C1orf52: variants seen among roughly 807,000 people sequenced by gnomAD.
C1orf52 encodes chromosome 1 open reading frame 52, also known as UPF0690 protein C1orf52.
C1orf52 carries 5 observed loss-of-function variants against 17.2 expected under a neutral mutation model. That is an observed-to-expected ratio of 0.29 (90% CI 0.15 to 0.61). The LOEUF (loss-of-function observed/expected upper bound fraction) is 0.61. Ranked by LOEUF, C1orf52 falls within the 20% of genes least tolerant of loss-of-function variation. C1orf52 has a pLI of 0.85. For synonymous variants in C1orf52, 110 were observed against 88.0 expected (o/e 1.25, Z -1.40); for missense variants, 245 against 234.1 (o/e 1.05, Z -0.30).
Position 85,251,653 on chromosome 1 carries a change from A to ATATT in C1orf52, c.*972_*975dup, listed in dbSNP as rs956340184. 20 of 152,342 alleles carry ATATT rather than the reference A, an allele frequency of 1.3e-4. No individual in the cohort carries two copies. Among genetic ancestry groups the ATATT allele is most frequent in the African/African-American group, 4.8e-4 (20 of 41,578 alleles). 9.4% of individuals were successfully genotyped at this position (152,342 alleles called of 1,614,324 possible). ...AACACATTTTTTGTATATGTCCTGA[A>ATATT]TATTAAATATACTAAAACATTATTT... On this transcript the variant is annotated 3_prime_UTR_variant, in exon 3 of 3. Transcript: ENST00000471115.
chr1:85,257,372 C>T lies in C1orf52; in HGVS notation c.475+1152G>A, dbSNP rs1659968950. ...GGATTTTGAAGGATGAATTAGTTTACTAGCCAGAGATAAGAAAGAACACTA... is the reference window on the plus strand; with the variant it reads ...GGATTTTGAAGGATGAATTAGTTTATTAGCCAGAGATAAGAAAGAACACTA... On this transcript the variant is annotated intron_variant, in intron 2 of 2. Coordinates refer to ENST00000471115, the MANE Select transcript of C1orf52 (RefSeq NM_198077.4). 6.9e-5 allele frequency: 46 copies of T among 670,906 alleles called. 1 individual carries two copies. The South Asian group carries it at 7.6e-4, about 11-fold the overall frequency. The allele number at this position is 670,906 out of a possible 1,614,324, so 41.6% of individuals were successfully genotyped here.
chr1:85,252,356 ACT>A lies in C1orf52; in HGVS notation c.*271_*272del, dbSNP rs1659821247. On this transcript the variant is annotated 3_prime_UTR_variant, in exon 3 of 3. Transcript: ENST00000471115. ...CATTGGCATGTCAACATGTGACAAA[ACT>A]CTCAAAGCATGTCACCAATTCTGTG... The A allele has an allele frequency of 5.0e-6, 2 of 398,968 alleles. No homozygotes were observed. Among genetic ancestry groups the A allele is most frequent in the Admixed American group, 4.3e-5 (1 of 23,244 alleles). 24.7% of individuals were successfully genotyped at this position (398,968 alleles called of 1,614,324 possible).
chr1:85,255,308 T>A (rs909181076), intron 2 of C1orf52, among the ~76,000 whole-genome samples: 1 of 152,078 alleles, frequency 6.6e-6, no homozygotes, highest in South Asian at 2.1e-4. Context: ...TCCCAGCACT[T>A]TGGGAGGCTG....
intron 2 of C1orf52, among the ~76,000 whole-genome samples, chr1:85,256,830 A>C (rs1222813604): frequency 2.0e-5 from 3 of 151,948 alleles, no homozygotes; most frequent in Non-Finnish European, 4.4e-5. Context: ...AAAAGAAAAC[A>C]AAAAGATTGT....
chr1:85,252,238 T>C lies in C1orf52; in HGVS notation c.*391A>G, dbSNP rs1431079119. 1.0e-5 allele frequency: 2 copies of C among 190,982 alleles called. No individual in the cohort carries two copies. Among genetic ancestry groups the C allele is most frequent in the African/African-American group, 4.8e-5 (2 of 41,930 alleles). The allele number at this position is 190,982 out of a possible 1,614,324, so 11.8% of individuals were successfully genotyped here. ...TTATTTCCATGATCTATTTACACTG[T>C]ACAAAGACTGTTGAAAAGCACCCTA... On this transcript the variant is annotated 3_prime_UTR_variant, in exon 3 of 3. Coordinates refer to ENST00000471115, the MANE Select transcript of C1orf52 (RefSeq NM_198077.4).
At chr1:85,258,916 G>A in intron 1 of C1orf52, 194 bp from the exon 2 acceptor site, 1 of 1,423,526 alleles carries the variant, frequency 7.0e-7, no homozygotes, top group Non-Finnish European at 9.1e-7. Context: ...TATGAATAAA[G>A]CTAATAACTT....
Position 85,258,558 on chromosome 1 carries a change from C to T in C1orf52, c.441G>A (p.Arg147=), listed in dbSNP as rs772001073. Residue 147 remains arginine, a synonymous_variant, in exon 2 of 3, where the codon AGG becomes AGA. Transcript: ENST00000471115. ...ACGTCTCCTCCCCTTCTGGTAGAAGCCTAGCTTTCTTAGCATTCTGTGGAG... is the reference window on the plus strand; with the variant it reads ...ACGTCTCCTCCCCTTCTGGTAGAAGTCTAGCTTTCTTAGCATTCTGTGGAG... ...DDAPQNAKKA[R]LLPEGEETLE... is the part of the protein sequence containing the mutation. 6.2e-7 allele frequency: 1 copy of T among 1,614,202 alleles called. No individual in the cohort carries two copies. Among genetic ancestry groups the T allele is most frequent in the East Asian group, 2.2e-5 (1 of 44,890 alleles).
At chr1:85,253,976 A>G (rs549844193) in intron 2 of C1orf52, among the ~76,000 whole-genome samples, 1 of 152,234 alleles carries the variant, frequency 6.6e-6, no homozygotes, top group Non-Finnish European at 1.5e-5. Context: ...AAAGTTCAAC[A>G]GGTTATCATG....
At chr1:85,256,795 C>A in intron 2 of C1orf52, among the ~76,000 whole-genome samples, 1 of 14,752 alleles carries the variant, frequency 6.8e-5, no homozygotes, top group African/African-American at 3.3e-4. Context: ...CGAGACTCCG[C>A]CTCAAAAAAA....
At chr1:85,257,419 C>T in intron 2 of C1orf52, 1 of 715,672 alleles carries the variant, frequency 1.4e-6, no homozygotes, top group Middle Eastern at 2.3e-4. Flanking sequence ...GCAACGTATA[C>T]TGAAAGGCAG....
Position 85,257,233 on chromosome 1 carries a change from CTT to C in C1orf52, c.475+1289_475+1290del, listed in dbSNP as rs375429231. ...AGGAACTCATCATAAAGCAGACAGA[CTT>C]TTAAAAAAATCACATACAAGTGATG... is the stretch of plus-strand genomic sequence containing the variant. On this transcript the variant is annotated intron_variant, in intron 2 of 2. Transcript: ENST00000471115. Among the ~76,000 whole-genome samples the C allele has an allele frequency of 3.8e-3, 586 of 152,306 alleles. 5 individuals are homozygous for C. The highest frequency in any genetic ancestry group is 0.012 in the African/African-American group (514 of 41,548).
At position 85,257,490 on chromosome 1, in the gene C1orf52, A is replaced by G. The variant is rs1473793350; in HGVS notation, c.475+1034T>C. 4.2e-6 allele frequency: 3 copies of G among 717,204 alleles called. No homozygotes were observed. In the South Asian group the frequency reaches 4.4e-5, roughly 11 times the overall value. 44.4% of individuals were successfully genotyped at this position (717,204 alleles called of 1,614,324 possible). On this transcript the variant is annotated intron_variant, in intron 2 of 2. Coordinates refer to ENST00000471115, the MANE Select transcript of C1orf52 (RefSeq NM_198077.4). Reference sequence around the variant, plus strand: ...TCAAGTGCTAGAAAGGGGCCATTAAAAATGACTGTGGACAGGGAGAAAGGG... The same window carrying G: ...TCAAGTGCTAGAAAGGGGCCATTAAGAATGACTGTGGACAGGGAGAAAGGG...
At position 85,251,687 on chromosome 1, in the gene C1orf52, T is replaced by G. The variant is rs1659806527; in HGVS notation, c.*942A>C. ...ATACTAAAACATTATTTATCTGAAA[T>G]TCAAATTTAACTGAATGTCCTGTAA... is the stretch of plus-strand genomic sequence containing the variant. On this transcript the variant is annotated 3_prime_UTR_variant, in exon 3 of 3. Coordinates refer to ENST00000471115, the MANE Select transcript of C1orf52 (RefSeq NM_198077.4). The G allele has an allele frequency of 6.6e-6, 1 of 152,188 alleles. No individual in the cohort carries two copies. Among genetic ancestry groups the G allele is most frequent in the African/African-American group, 2.4e-5 (1 of 41,442 alleles). The allele number at this position is 152,188 out of a possible 1,614,324, so 9.4% of individuals were successfully genotyped here. A position where few individuals can be genotyped will look rare whatever the true frequency, so the allele number is the denominator to read the frequency against.
At chr1:85,258,905 A>T in intron 1 of C1orf52, 183 bp from the exon 2 acceptor site, 1 of 1,429,472 alleles carries the variant, frequency 7.0e-7, no homozygotes, top group South Asian at 1.5e-5. Context: ...AGGGTTCCCT[A>T]TATGAATAAA....
intron 2 of C1orf52, among the ~76,000 whole-genome samples, chr1:85,258,269 A>G (rs1476182174): frequency 2.0e-5 from 3 of 152,224 alleles, no homozygotes; most frequent in East Asian, 3.8e-4. Context: ...GATATCAGAT[A>G]TTTTACTTTA....
Position 85,258,514 on chromosome 1 carries a change from C to T in C1orf52, c.475+10G>A. 6.2e-7 allele frequency: 1 copy of T among 1,607,962 alleles called. No homozygotes were observed. Among genetic ancestry groups the T allele is most frequent in the East Asian group, 2.2e-5 (1 of 44,864 alleles). ...AAAATAGACCACCATCGGATTCTGA[C>T]TTTCCTTACCTGATTCCAACGTCTC... is the stretch of plus-strand genomic sequence containing the variant. On this transcript the variant is annotated intron_variant, in intron 2 of 2. Coordinates refer to ENST00000471115, the MANE Select transcript of C1orf52 (RefSeq NM_198077.4).
intron 2 of C1orf52, among the ~76,000 whole-genome samples, chr1:85,255,937 G>C (rs1659927092): frequency 6.6e-6 from 1 of 152,180 alleles, no homozygotes; most frequent in African/African-American, 2.4e-5. Context: ...CACATATTTG[G>C]AACTCCTTCT....
chr1:85,258,729 A>T lies in C1orf52; in HGVS notation c.277-7T>A, dbSNP rs200464617. 2.3e-5 allele frequency: 36 copies of T among 1,599,116 alleles called. No individual in the cohort carries two copies. The highest frequency in any genetic ancestry group is 1.7e-5 in the Admixed American group (1 of 58,846). On this transcript the variant is annotated splice_region_variant and splice_polypyrimidine_tract_variant and intron_variant, in intron 1 of 2. Coordinates refer to ENST00000471115, the MANE Select transcript of C1orf52 (RefSeq NM_198077.4). ...TTTTGAATTCCTTTGGAGGCTGTTA[A>T]GCAAGCACATTAAGAAGCACTGTGA... is the stretch of plus-strand genomic sequence containing the variant.
Position 85,251,159 on chromosome 1 carries a change from C to A in C1orf52, c.*1470G>T, listed in dbSNP as rs1659792273. On this transcript the variant is annotated 3_prime_UTR_variant, in exon 3 of 3. Coordinates refer to ENST00000471115, the MANE Select transcript of C1orf52 (RefSeq NM_198077.4). ...TCTCGCGTAATTGTTCAAATTTTAT[C>A]TTCCACAATGGGGAAAAACAGATTT... 1 of 152,088 alleles carries A rather than the reference C, an allele frequency of 6.6e-6. No individual in the cohort carries two copies. The highest frequency in any genetic ancestry group is 2.4e-5 in the African/African-American group (1 of 41,424). 9.4% of individuals were successfully genotyped at this position (152,088 alleles called of 1,614,324 possible). A position where few individuals can be genotyped will look rare whatever the true frequency, so the allele number is the denominator to read the frequency against.
Sources: allele counts gnomAD v4.1 joint callset (sites outside exome capture counted in the v4.1 genomes callset), GRCh38; gene constraint gnomAD v4.1.1; transcripts MANE v1.5; gene names NCBI Gene and HGNC (gene_info 2026-07-23, HGNC 2026-07-21).